The following DCDC1 variants were observed in gnomAD, a reference collection of about 807,000 sequenced individuals.
The protein encoded by DCDC1 is doublecortin domain-containing protein 1.
DCDC1 carries 200 observed loss-of-function variants against 178.3 expected under a neutral mutation model. The observed-to-expected ratio is 1.12, with a 90% CI of 1.00 to 1.26. The LOEUF is 1.26. Ranked by LOEUF, DCDC1 falls within the 50% of genes most tolerant of loss-of-function variation. The probability of loss-of-function intolerance (pLI) is 0.00; values close to 1 mark genes in which losing one functional copy is unlikely to be tolerated. For synonymous variants in DCDC1, 690 were observed against 604.8 expected, an observed-to-expected ratio of 1.14 and a Z score of -2.07; for missense variants, 1,983 against 1,749.2, an observed-to-expected ratio of 1.13 and a Z score of -2.38.
rs545578792 is a variant in DCDC1 at position 31,137,727 on chromosome 11, T to C, written c.1279A>G (p.Met427Val). Residue 427 changes from methionine (M) to valine (V), a missense_variant, in exon 10 of 39, where the codon ATG becomes GTG. By Grantham distance (21) the Met-to-Val change is conservative. Transcript: ENST00000684477. ...EKITEKVILS[M>V]TAKEHHKEQE... ...TCCTTATGGTGTTCCTTTGCCGTCA[T>C]TGAAAGAATGACTTTTTCTGTAATT... The C allele has an allele frequency of 6.5e-5, 46 of 702,810 alleles. No homozygotes were observed. Among genetic ancestry groups the C allele is most frequent in the Middle Eastern group, 2.3e-4 (1 of 4,390 alleles). The allele number at this position is 702,810 out of a possible 1,614,324, so 43.5% of individuals were successfully genotyped here. A position where few individuals can be genotyped will look rare whatever the true frequency, so the allele number is the denominator to read the frequency against.
At chr11:31,295,346 T>C (rs905433647) in intron 6 of DCDC1, among the ~76,000 whole-genome samples, 9 of 152,210 alleles carry the variant, frequency 5.9e-5, no homozygotes, top group Admixed American at 3.3e-4. Context: ...GGGTCGACTA[T>C]AGTGCATAGT....
chr11:30,994,217 A>G (rs1951128795), intron 20 of DCDC1, among the ~76,000 whole-genome samples: 1 of 152,188 alleles, frequency 6.6e-6, no homozygotes, highest in African/African-American at 2.4e-5. Flanking sequence ...AATGATCTCA[A>G]TAGATGCAGA....
chr11:31,326,396 T>C (rs1469820318), intron 3 of DCDC1, among the ~76,000 whole-genome samples: 1 of 151,960 alleles, frequency 6.6e-6, no homozygotes, highest in African/African-American at 2.4e-5. Flanking sequence ...TAGCTAAAAA[T>C]GCACAAAAAT....
intron 20 of DCDC1, among the ~76,000 whole-genome samples, chr11:30,985,671 AC>A (rs1187503136): frequency 1.3e-5 from 2 of 152,194 alleles, no homozygotes; most frequent in African/African-American, 4.8e-5. Context: ...TATGAGTTGC[AC>A]TGAGGAAGGT....
intron 9 of DCDC1, among the ~76,000 whole-genome samples, chr11:31,232,513 T>C (rs929046070): frequency 3.9e-5 from 6 of 152,160 alleles, no homozygotes; most frequent in African/African-American, 1.4e-4. Context: ...GCCGCTGATA[T>C]CCTTTTTTAA....
At chr11:30,951,618 G>C (rs1948428892) in intron 21 of DCDC1, among the ~76,000 whole-genome samples, 1 of 152,022 alleles carries the variant, frequency 6.6e-6, no homozygotes, top group Non-Finnish European at 1.5e-5. Context: ...TAGCATATAA[G>C]TCACAAATCA....
intron 9 of DCDC1, among the ~76,000 whole-genome samples, chr11:31,240,693 G>T (rs1977020739): frequency 6.6e-6 from 1 of 151,942 alleles, no homozygotes; most frequent in East Asian, 1.9e-4. Flanking sequence ...CATTTAGCTT[G>T]GTAAAAACAT....
At chr11:31,342,363 T>C (rs183335336) in intron 1 of DCDC1, among the ~76,000 whole-genome samples, 30 of 152,340 alleles carry the variant, frequency 2.0e-4, no homozygotes, top group Admixed American at 2.0e-3. Flanking sequence ...CATGAATTTT[T>C]TCAGCCTCAG....
At chr11:31,045,149 T>C (rs1374582257) in intron 20 of DCDC1, among the ~76,000 whole-genome samples, 1 of 152,184 alleles carries the variant, frequency 6.6e-6, no homozygotes, top group Non-Finnish European at 1.5e-5. Flanking sequence ...TATATGTATA[T>C]GTGTGTAGAC....
intron 18 of DCDC1, among the ~76,000 whole-genome samples, chr11:31,077,403 A>C (rs992737326): frequency 6.6e-6 from 1 of 152,194 alleles, no homozygotes; most frequent in African/African-American, 2.4e-5. Flanking sequence ...CCATTTGAGT[A>C]ATCATAACTC....
At chr11:31,021,177 C>T (rs1420281490) in intron 20 of DCDC1, among the ~76,000 whole-genome samples, 1 of 152,136 alleles carries the variant, frequency 6.6e-6, no homozygotes, top group Non-Finnish European at 1.5e-5. Flanking sequence ...TTGGCAAGAA[C>T]TGTAAAAATT....
chr11:31,031,903 C>A (rs1953678270), intron 20 of DCDC1, among the ~76,000 whole-genome samples: 1 of 152,062 alleles, frequency 6.6e-6, no homozygotes, highest in Non-Finnish European at 1.5e-5. Context: ...ATTATGTGAT[C>A]TTATGCTACA....
chr11:31,363,496 C>A (rs1951808168), intron 1 of DCDC1, among the ~76,000 whole-genome samples: 1 of 152,096 alleles, frequency 6.6e-6, no homozygotes, highest in South Asian at 2.1e-4. Context: ...TTAATAAAGT[C>A]AAACTTCTAT....
At chr11:30,888,354 T>G (rs1183607940) in intron 36 of DCDC1, among the ~76,000 whole-genome samples, 1 of 151,928 alleles carries the variant, frequency 6.6e-6, no homozygotes, top group Non-Finnish European at 1.5e-5. Flanking sequence ...TACAGATGAG[T>G]TAAAAAGAAA....
At chr11:31,249,408 C>A (rs1943809230) in intron 8 of DCDC1, among the ~76,000 whole-genome samples, 1 of 152,134 alleles carries the variant, frequency 6.6e-6, no homozygotes, top group South Asian at 2.1e-4. Flanking sequence ...TAGCAAAATT[C>A]TTGATAACCT....
intron 10 of DCDC1, among the ~76,000 whole-genome samples, chr11:31,130,412 T>A (rs1962279900): frequency 6.6e-6 from 1 of 152,176 alleles, no homozygotes; most frequent in Non-Finnish European, 1.5e-5. Flanking sequence ...AGAACCATTG[T>A]GCAGTTCTGC....
chr11:31,346,262 C>G (rs975789067), intron 1 of DCDC1, among the ~76,000 whole-genome samples: 1 of 151,956 alleles, frequency 6.6e-6, no homozygotes, highest in Non-Finnish European at 1.5e-5. Context: ...GAGTTCGAGA[C>G]TAGCCTGGCC....
At chr11:31,333,849 A>C (rs548560412) in intron 2 of DCDC1, among the ~76,000 whole-genome samples, 1 of 151,960 alleles carries the variant, frequency 6.6e-6, no homozygotes, top group Non-Finnish European at 1.5e-5. Flanking sequence ...TCTGACAATT[A>C]TGTGTCTTGG....
chr11:31,242,825 G>A (rs1440097004), intron 8 of DCDC1, among the ~76,000 whole-genome samples: 1 of 151,740 alleles, frequency 6.6e-6, no homozygotes, highest in Non-Finnish European at 1.5e-5. Context: ...AAAAAGTTAT[G>A]CATTTTATGG....
Sources: allele counts gnomAD v4.1 joint callset (sites outside exome capture counted in the v4.1 genomes callset), GRCh38; gene constraint gnomAD v4.1.1; transcripts MANE v1.5; gene names NCBI Gene and HGNC (gene_info 2026-07-23, HGNC 2026-07-21).